Variants in PFKFB3 observed in about 807,000 individuals in gnomAD.
PFKFB3 encodes the protein 6-phosphofructo-2-kinase/fructose-2,6-biphosphatase 3, also known as 6-phosphofructo-2-kinase/fructose-2,6-bisphosphatase 3.
PFKFB3 carries 33 observed loss-of-function variants against 68.0 expected under a neutral mutation model. That is an observed-to-expected ratio of 0.49 (90% CI 0.37 to 0.65). PFKFB3 has a LOEUF of 0.65. PFKFB3 is among the 30% of genes least tolerant of loss of function. PFKFB3 has a pLI of 0.00. For synonymous variants in PFKFB3, 315 were observed against 288.2 expected (o/e 1.09, Z -0.94); for missense variants, 586 against 712.2 (o/e 0.82, Z 2.02).
At chr10:6,252,770 T>C (rs1846408623) in intron 14 of PFKFB3, among the ~76,000 whole-genome samples, 1 of 152,220 alleles carries the variant, frequency 6.6e-6, no homozygotes, top group African/African-American at 2.4e-5. Flanking sequence ...CATGTCTCTC[T>C]CTATGTGTAT....
At chr10:6,224,080 G>A (rs369753996) in intron 12 of PFKFB3, 60 bp downstream of exon 12, 16 of 1,612,114 alleles carry the variant, frequency 9.9e-6, no homozygotes, top group African/African-American at 1.3e-5. Context: ...AGCTTCTTGT[G>A]GCCGTGGGCT....
chr10:6,302,248 T>C, the PFKFB3 span, among the ~76,000 whole-genome samples: 4 of 151,130 alleles, frequency 2.6e-5, no homozygotes, highest in Admixed American at 6.6e-5. Context: ...TGAGGTGGGG[T>C]TTTACCATGT....
At chr10:6,296,498 C>T in the PFKFB3 span, among the ~76,000 whole-genome samples, 1 of 152,152 alleles carries the variant, frequency 6.6e-6, no homozygotes, top group African/African-American at 2.4e-5. Flanking sequence ...GTGGCTACTC[C>T]ATAGGCAGAG....
At chr10:6,225,976 G>A (rs1845320378) in intron 13 of PFKFB3, among the ~76,000 whole-genome samples, 2 of 152,192 alleles carry the variant, frequency 1.3e-5, no homozygotes, top group African/African-American at 4.8e-5. Flanking sequence ...ACCATCCGAG[G>A]AAGGGGGCAT....
chr10:6,242,864 A>G (rs1278008494), intron 14 of PFKFB3, among the ~76,000 whole-genome samples: 1 of 152,250 alleles, frequency 6.6e-6, no homozygotes, highest in Non-Finnish European at 1.5e-5. Context: ...TTGGGATTAC[A>G]GGCGTGAGCC....
At position 6,210,346 on chromosome 10, in the gene PFKFB3, G is replaced by GTTTTTTTTTT. The variant is rs1225843582; in HGVS notation, c.77-3268_77-3267insTTTTTTTTTT. 6.1e-5 allele frequency among the ~76,000 whole-genome samples: 2 copies of GTTTTTTTTTT among 32,790 alleles called. 1 individual carries two copies. The highest frequency in any genetic ancestry group is 1.7e-4 in the Non-Finnish European group (2 of 11,462). The allele number at this position is 32,790 out of a possible 152,430, so 21.5% of individuals were successfully genotyped here. A position where few individuals can be genotyped will look rare whatever the true frequency, so the allele number is the denominator to read the frequency against. The stretch of plus-strand genomic sequence containing the variant: ...GGCGCCCCTCTCTTTGTTTTTTTTT[G>GTTTTTTTTTT]TTTTTTTTTGTTTTTTTGTTTTTTT... On this transcript the variant is annotated intron_variant, in intron 1 of 14. Transcript: ENST00000379775.
chr10:6,289,341 T>G, the PFKFB3 span, among the ~76,000 whole-genome samples: 107 of 151,982 alleles, frequency 7.0e-4, 1 homozygote, highest in African/African-American at 2.6e-3. Flanking sequence ...GTTTTAGGTC[T>G]AACATTTAAG....
chr10:6,290,820 G>A, the PFKFB3 span, among the ~76,000 whole-genome samples: 1 of 152,026 alleles, frequency 6.6e-6, no homozygotes, highest in East Asian at 1.9e-4. Context: ...TGATTTTCTA[G>A]ATGTACATTT....
Position 6,154,827 on chromosome 10 carries a change from A to G in PFKFB3, c.16+9814A>G, listed in dbSNP as rs988336895. 1.6e-4 allele frequency among the ~76,000 whole-genome samples: 24 copies of G among 152,216 alleles called. No homozygotes were observed. Among genetic ancestry groups the G allele is most frequent in the African/African-American group, 5.8e-4 (24 of 41,468 alleles). On this transcript the variant is annotated intron_variant, in intron 1 of 14. Coordinates refer to the PFKFB3 transcript ENST00000379789. This position sits in a 1 kb window ranked among gnomAD's most constrained non-coding sequence, Gnocchi z 4.6. Reference sequence around the variant, plus strand: ...CTGATCTGGGGAGACGCTGGGAGCCAGGTGGCCGAGGCGGTCGAGGCCTGG... The same window carrying G: ...CTGATCTGGGGAGACGCTGGGAGCCGGGTGGCCGAGGCGGTCGAGGCCTGG...
At chr10:6,194,128 C>T (rs1012299370) in intron 1 of PFKFB3, among the ~76,000 whole-genome samples, 9 of 152,182 alleles carry the variant, frequency 5.9e-5, no homozygotes, top group East Asian at 1.9e-4. Context: ...GAGGTCTAGA[C>T]GAGGTGTAGA....
At chr10:6,177,204 G>C (rs74481670) in intron 1 of PFKFB3, among the ~76,000 whole-genome samples, 1,628 of 152,256 alleles carry the variant, frequency 0.011, 68 homozygotes, top group East Asian at 0.1. Flanking sequence ...CGGCTTCTGT[G>C]GTTTGCTTGG....
At chr10:6,267,490 T>A in the PFKFB3 span, among the ~76,000 whole-genome samples, 1 of 152,154 alleles carries the variant, frequency 6.6e-6, no homozygotes, top group East Asian at 1.9e-4. Flanking sequence ...GCCTTCTTTC[T>A]GCAGTCAGGG....
the PFKFB3 span, among the ~76,000 whole-genome samples, chr10:6,320,124 C>G: frequency 3.3e-5 from 5 of 152,034 alleles, no homozygotes; most frequent in African/African-American, 1.2e-4. Flanking sequence ...TTGCTTGAGC[C>G]CAAGAGGTTG....
intron 6 of PFKFB3, 118 bp downstream of exon 6, chr10:6,217,309 C>A (rs1844650654): frequency 4.4e-6 from 4 of 908,620 alleles, no homozygotes; most frequent in Non-Finnish European, 3.6e-6. Context: ...TTAGGATGAG[C>A]AGCCCCCAGC....
chr10:6,310,876 A>G, the PFKFB3 span, among the ~76,000 whole-genome samples: 1 of 152,230 alleles, frequency 6.6e-6, no homozygotes, highest in Non-Finnish European at 1.5e-5. Context: ...AATCTACCCT[A>G]ATAGTATATC....
intron 1 of PFKFB3, among the ~76,000 whole-genome samples, chr10:6,155,240 T>TC (rs1199309423): frequency 1.3e-5 from 2 of 149,246 alleles, no homozygotes. Flanking sequence ...TCCCGCTCTG[T>TC]CGCCCAGGCT....
rs529697795 is a variant in PFKFB3, at chr10:6,229,295, G to T, written c.1515+2930G>T. ...CCCTGGGAGGTCGGCAGGGCAGTCA[G>T]TCCCCCGTTTAATGGTTGAGGGGCT... On this transcript the variant is annotated intron_variant, in intron 14 of 14. Coordinates refer to ENST00000379775, the MANE Select transcript of PFKFB3 (RefSeq NM_004566.4). This position sits in a 1 kb window ranked among gnomAD's most constrained non-coding sequence, Gnocchi z 4.3. 4.9e-6 allele frequency: 2 copies of T among 410,090 alleles called. No homozygotes were observed. The highest frequency in any genetic ancestry group is 2.1e-5 in the African/African-American group (1 of 48,692). The allele number at this position is 410,090 out of a possible 1,614,324, so 25.4% of individuals were successfully genotyped here.
the PFKFB3 span, among the ~76,000 whole-genome samples, chr10:6,275,685 C>T: frequency 2.6e-5 from 4 of 152,122 alleles, no homozygotes; most frequent in Non-Finnish European, 5.9e-5. This position sits in a 1 kb window ranked among gnomAD's most constrained non-coding sequence, Gnocchi z 4.9. Context: ...TGTAGTGGTG[C>T]GATCTTGGCT....
At chr10:6,207,139 C>T (rs1171469594) in intron 1 of PFKFB3, among the ~76,000 whole-genome samples, 10 of 152,240 alleles carry the variant, frequency 6.6e-5, no homozygotes, top group Middle Eastern at 3.2e-3. Flanking sequence ...GCACCCCAGC[C>T]TGGGCACCAT....
Sources: allele counts gnomAD v4.1 joint callset (sites outside exome capture counted in the v4.1 genomes callset), GRCh38; gene constraint gnomAD v4.1.1; non-coding constraint Gnocchi (gnomAD v3.1); transcripts MANE v1.5; gene names NCBI Gene and HGNC (gene_info 2026-07-23, HGNC 2026-07-21).